The following HSDL1 variants were observed in gnomAD, a reference collection of about 807,000 sequenced individuals.
HSDL1 encodes the protein hydroxysteroid dehydrogenase like 1.
HSDL1 carries 29 observed loss-of-function variants against 31.5 expected under a neutral mutation model. That is an observed-to-expected ratio of 0.92 (90% CI 0.69 to 1.26). The LOEUF (loss-of-function observed/expected upper bound fraction) is 1.26. Ranked by LOEUF, HSDL1 falls within the 50% of genes most tolerant of loss-of-function variation. HSDL1 has a pLI of 0.00. For synonymous variants in HSDL1, 222 were observed against 155.2 expected (o/e 1.43, Z -3.20); for missense variants, 503 against 416.6 (o/e 1.21, Z -1.81).
At chr16:84,129,085 A>C (rs1266708909) in intron 5 of HSDL1, among the ~76,000 whole-genome samples, 5 of 152,180 alleles carry the variant, frequency 3.3e-5, no homozygotes, top group Non-Finnish European at 7.3e-5. Flanking sequence ...TTCACAAAAG[A>C]AAATTTAGTG....
intron 1 of HSDL1, among the ~76,000 whole-genome samples, chr16:84,140,260 T>A (rs1172198363): frequency 2.0e-5 from 3 of 152,202 alleles, no homozygotes; most frequent in Admixed American, 6.5e-5. Context: ...AATTTTTCTG[T>A]AACTAAAAGA....
chr16:84,131,163 G>A lies in HSDL1; in HGVS notation c.159C>T (p.Ile53=). 2 of 1,614,178 alleles carry A rather than the reference G, an allele frequency of 1.2e-6. No homozygotes were observed. The highest frequency in any genetic ancestry group is 1.6e-4 in the Middle Eastern group (1 of 6,062). The change falls in exon 3 of 6, where the codon ATC becomes ATT. Residue 53 remains isoleucine, a synonymous_variant. Transcript: ENST00000219439. The part of the protein sequence containing the change: ...DFYSLIRLHF[I]PRLGSRADLI... Reference sequence around the variant, plus strand: ...AGTCTGCTCTGCTCCCCAGGCGGGGGATAAAATGCAGCCTGATCAGGCTGT... The same window carrying A: ...AGTCTGCTCTGCTCCCCAGGCGGGGAATAAAATGCAGCCTGATCAGGCTGT...
chr16:84,131,517 C>G (rs2086666499), intron 2 of HSDL1, among the ~76,000 whole-genome samples, 190 bp from the exon 3 acceptor site: 4 of 151,036 alleles, frequency 2.6e-5, no homozygotes, highest in Non-Finnish European at 5.9e-5. Context: ...ATCTATCTAT[C>G]TATCTATCTA....
chr16:84,125,201 CAACA>C (rs1182907650), intron 5 of HSDL1: 2 of 150,706 alleles, frequency 1.3e-5, no homozygotes, highest in African/African-American at 2.6e-5. Flanking sequence ...CCACCAATCA[CAACA>C]AATACCCACC....
intron 5 of HSDL1, 178 bp from the exon 6 acceptor site, chr16:84,124,906 AATCACAACAAATACCCACC>A (rs2086588724): frequency 2.0e-6 from 1 of 491,182 alleles, no homozygotes; most frequent in African/African-American, 2.0e-5. Context: ...AATACCCACC[AATCACAACAAATACCCACC>A]AATCACAACA....
chr16:84,137,477 C>T (rs992699091), intron 1 of HSDL1, among the ~76,000 whole-genome samples: 3 of 152,152 alleles, frequency 2.0e-5, no homozygotes, highest in Non-Finnish European at 4.4e-5. Context: ...AGGGAGGGAG[C>T]TGGTGGGGCT....
intron 4 of HSDL1, 82 bp from the exon 5 acceptor site, chr16:84,129,857 C>G (rs1196849312): frequency 2.2e-5 from 32 of 1,427,810 alleles, no homozygotes; most frequent in Non-Finnish European, 2.9e-5. Flanking sequence ...TGCTTATTAT[C>G]AATTCAGGAA....
intron 5 of HSDL1, among the ~76,000 whole-genome samples, chr16:84,128,626 C>A (rs1038493855): frequency 6.6e-6 from 1 of 151,846 alleles, no homozygotes; most frequent in Non-Finnish European, 1.5e-5. Context: ...AACCCTCAAG[C>A]AGTACTAGAA....
intron 5 of HSDL1, among the ~76,000 whole-genome samples, chr16:84,128,539 G>C (rs1382824847): frequency 1.3e-5 from 2 of 152,050 alleles, no homozygotes; most frequent in Non-Finnish European, 2.9e-5. Flanking sequence ...GATATTATTT[G>C]ATAAAATGGT....
chr16:84,131,509 CT>C (rs2086666352), intron 2 of HSDL1, among the ~76,000 whole-genome samples, 182 bp from the exon 3 acceptor site: 4 of 151,846 alleles, frequency 2.6e-5, no homozygotes, highest in East Asian at 1.9e-4. Context: ...ATCTATCTAT[CT>C]ATCTATCTAT....
intron 5 of HSDL1, among the ~76,000 whole-genome samples, chr16:84,125,493 C>G (rs576035482): frequency 6.9e-6 from 1 of 145,190 alleles, no homozygotes; most frequent in African/African-American, 2.6e-5. Flanking sequence ...CCAATCGATC[C>G]CAACAAATAC....
Position 84,140,032 on chromosome 16 carries a change from A to G in HSDL1, c.-68-4427T>C, listed in dbSNP as rs930226683. Among the ~76,000 whole-genome samples the G allele has an allele frequency of 4.6e-5, 7 of 152,206 alleles. No homozygotes were observed. The South Asian group carries it at 1.5e-3, about 32-fold the overall frequency. On this transcript the variant is annotated intron_variant, in intron 1 of 5. Transcript: ENST00000219439. ...TCACTTCCTAACAAGCACCAACAACATGTCAGCCCTGGGGAGAAACTTCCC... is the reference window on the plus strand; with the variant it reads ...TCACTTCCTAACAAGCACCAACAACGTGTCAGCCCTGGGGAGAAACTTCCC...
chr16:84,141,103 A>C (rs983740759), intron 1 of HSDL1, among the ~76,000 whole-genome samples: 1 of 150,892 alleles, frequency 6.6e-6, no homozygotes, highest in Non-Finnish European at 1.5e-5. Context: ...ACAAAAAAAA[A>C]AACAGTATTG....
At chr16:84,129,260 G>C (rs1478956939) in intron 5 of HSDL1, among the ~76,000 whole-genome samples, 1 of 151,800 alleles carries the variant, frequency 6.6e-6, no homozygotes, top group Non-Finnish European at 1.5e-5. Flanking sequence ...GGTGCCTGTA[G>C]TCCCAGCTAC....
rs778711550 is a variant in HSDL1 at position 84,130,355 on chromosome 16, C to G, written c.297G>C (p.Arg99=). The G allele has an allele frequency of 3.7e-6, 6 of 1,614,074 alleles. No homozygotes were observed. In the Admixed American group the frequency reaches 1.0e-4, roughly 27 times the overall value. Residue 99 remains arginine (R), a synonymous_variant, in exon 4 of 6, where the codon CGG becomes CGC. Coordinates refer to ENST00000219439, the MANE Select transcript of HSDL1 (RefSeq NM_031463.5). ...CAACAACCTGCAACTTCTCCTCGTT[C>G]CGACTAATCAGGATTATATTGAGAC... ...SRGLNIILIS[R]NEEKLQVVAK... is the part of the protein sequence containing the mutation.
intron 5 of HSDL1, chr16:84,125,047 A>G (rs1597370422): frequency 4.5e-6 from 1 of 220,388 alleles, no homozygotes; most frequent in Admixed American, 5.4e-5. Context: ...ACCAATCACA[A>G]CAAATACCCA....
Position 84,124,587 on chromosome 16 carries a change from G to T in HSDL1, c.*43C>A. On this transcript the variant is annotated 3_prime_UTR_variant, in exon 6 of 6. Coordinates refer to ENST00000219439, the MANE Select transcript of HSDL1 (RefSeq NM_031463.5). The stretch of plus-strand genomic sequence containing the variant: ...GTTTTTCCAAATGTCAGAATATCGA[G>T]GTTCCCAGGAGTTGGCAAAACTTCT... The T allele has an allele frequency of 8.7e-7, 1 of 1,146,400 alleles. No homozygotes were observed. The highest frequency in any genetic ancestry group is 1.3e-6 in the Non-Finnish European group (1 of 755,426). 71.0% of individuals were successfully genotyped at this position (1,146,400 alleles called of 1,614,324 possible).
intron 1 of HSDL1, among the ~76,000 whole-genome samples, chr16:84,138,524 GT>G (rs1181873990): frequency 4.6e-5 from 7 of 152,120 alleles, no homozygotes; most frequent in Admixed American, 4.6e-4. Flanking sequence ...AACTAATTTG[GT>G]TGTGGTGATC....
At chr16:84,138,919 T>G in intron 1 of HSDL1, among the ~76,000 whole-genome samples, 1 of 152,262 alleles carries the variant, frequency 6.6e-6, no homozygotes, top group African/African-American at 2.4e-5. Flanking sequence ...CACTCCACAG[T>G]GAAGGGGACT....
Sources: allele counts gnomAD v4.1 joint callset (sites outside exome capture counted in the v4.1 genomes callset), GRCh38; gene constraint gnomAD v4.1.1; transcripts MANE v1.5; gene names NCBI Gene and HGNC (gene_info 2026-07-23, HGNC 2026-07-21).